Variants in PCNT observed in about 807,000 individuals in gnomAD.
PCNT encodes the protein kendrin.
In PCNT, 319 loss-of-function variants were observed where a neutral mutation model predicts 380.4. The observed-to-expected ratio is 0.84, with a 90% CI of 0.77 to 0.92. The LOEUF is 0.92. PCNT is among the 40% of genes least tolerant of loss of function. The probability of loss-of-function intolerance (pLI) is 0.00; values close to 1 mark genes in which losing one functional copy is unlikely to be tolerated. For synonymous variants in PCNT, 1,845 were observed against 1,735.2 expected (o/e 1.06, Z -1.57); for missense variants, 4,400 against 4,255.3 (o/e 1.03, Z -0.95).
intron 21 of PCNT, among the ~76,000 whole-genome samples, chr21:46,391,684 C>T (rs1352466243): frequency 1.3e-5 from 2 of 152,116 alleles, no homozygotes; most frequent in African/African-American, 2.4e-5. Context: ...GAGCCGAGTG[C>T]GGCAAACAAG....
intron 6 of PCNT, among the ~76,000 whole-genome samples, 165 bp from the exon 7 acceptor site, chr21:46,348,847 A>G (rs1408804074): frequency 6.6e-6 from 1 of 151,584 alleles, no homozygotes; most frequent in Non-Finnish European, 1.5e-5. Context: ...CTGTAACCCT[A>G]ACTCCTGGGC....
At position 46,425,079 on chromosome 21, in the gene PCNT, G is replaced by GTAGA. The variant is rs2087437202; in HGVS notation, c.7180-751_7180-750insAGAT. ...TCTCTTCAGGTTTTTATGCAGACGT[G>GTAGA]TCCTGTGCTTGGGTGTGTGCTCATG... On this transcript the variant is annotated intron_variant, in intron 32 of 46. Coordinates refer to ENST00000359568, the MANE Select transcript of PCNT (RefSeq NM_006031.6). The surrounding 1 kb of genome is among the most constrained non-coding windows in gnomAD (Gnocchi z 4.2). Among the ~76,000 whole-genome samples the GTAGA allele has an allele frequency of 6.6e-6, 1 of 152,114 alleles. No individual in the cohort carries two copies. The highest frequency in any genetic ancestry group is 2.4e-5 in the African/African-American group (1 of 41,414).
intron 8 of PCNT, among the ~76,000 whole-genome samples, 200 bp from the exon 9 acceptor site, chr21:46,351,229 G>C (rs1353072850): frequency 6.6e-6 from 1 of 152,156 alleles, no homozygotes; most frequent in Non-Finnish European, 1.5e-5. Flanking sequence ...GGCCTTGTGG[G>C]GTCAGCGCTG....
chr21:46,432,573 A>G (rs1409752657), intron 38 of PCNT, among the ~76,000 whole-genome samples: 1 of 152,210 alleles, frequency 6.6e-6, no homozygotes, highest in Non-Finnish European at 1.5e-5. Context: ...TAGTATTGAC[A>G]TCTGGACAGT....
intron 33 of PCNT, among the ~76,000 whole-genome samples, chr21:46,427,065 C>T (rs1231651927): frequency 3.3e-5 from 5 of 152,196 alleles, no homozygotes; most frequent in African/African-American, 7.2e-5. Flanking sequence ...TGGGGACCAG[C>T]GGGTAGCCCC....
At chr21:46,326,890 G>A (rs2083411457) in intron 2 of PCNT, among the ~76,000 whole-genome samples, 1 of 151,538 alleles carries the variant, frequency 6.6e-6, no homozygotes, top group East Asian at 2.0e-4. Context: ...GCGCACACCT[G>A]TAATCCCAGC....
chr21:46,352,141 A>G (rs2084295887), intron 9 of PCNT, among the ~76,000 whole-genome samples: 2 of 152,242 alleles, frequency 1.3e-5, no homozygotes, highest in Non-Finnish European at 2.9e-5. Context: ...TCCACAGGAC[A>G]GGAGGGTGAG....
chr21:46,363,597 G>A lies in PCNT; in HGVS notation c.2272G>A (p.Glu758Lys), dbSNP rs772683917. Reference sequence around the variant, plus strand: ...AACGGACTGGAAAGTTATGAAGGAGGAGCTACAGCGGGAAGCTGAGGAGAA... The same window carrying A: ...AACGGACTGGAAAGTTATGAAGGAGAAGCTACAGCGGGAAGCTGAGGAGAA... ...KETDWKVMKE[E>K]LQREAEEKLT... The change falls in exon 14 of 47, where the codon GAG (glutamate) becomes AAG (lysine). Residue 758 changes from glutamate to lysine, a missense_variant. By Grantham distance (56) the Glu-to-Lys change is moderately conservative. Transcript: ENST00000359568. 5.0e-6 allele frequency: 8 copies of A among 1,614,058 alleles called. No homozygotes were observed. Among genetic ancestry groups the A allele is most frequent in the Middle Eastern group, 1.6e-4 (1 of 6,084 alleles).
chr21:46,442,807 A>G (rs2053645978), intron 44 of PCNT: 1 of 589,606 alleles, frequency 1.7e-6, no homozygotes, highest in African/African-American at 1.9e-5. Flanking sequence ...GATGGGAAAC[A>G]CTGAGATGCT....
chr21:46,416,330 G>A lies in PCNT; in HGVS notation c.6412G>A (p.Val2138Ile), dbSNP rs770179351. 5 of 1,613,824 alleles carry A rather than the reference G, an allele frequency of 3.1e-6. No individual in the cohort carries two copies. Among genetic ancestry groups the A allele is most frequent in the Non-Finnish European group, 4.2e-6 (5 of 1,179,812 alleles). The change falls in exon 30 of 47, where the codon GTA (valine) becomes ATA (isoleucine). Residue 2138 changes from valine (V) to isoleucine (I), a missense_variant. Coordinates refer to ENST00000359568, the MANE Select transcript of PCNT (RefSeq NM_006031.6). ...TCDANTATGGVTDVIKNQAID... is the reference protein window; with the variant it reads ...TCDANTATGGITDVIKNQAID... ...TGATGCCAATACAGCCACGGGGGGT[G>A]TAACTGATGTTATCAAAAATCAGGC... is the stretch of plus-strand genomic sequence containing the variant.
At position 46,383,056 on chromosome 21, in the gene PCNT, G is replaced by A. The variant is rs183927424; in HGVS notation, c.3312+1216G>A. On this transcript the variant is annotated intron_variant, in intron 16 of 46. Coordinates refer to ENST00000359568, the MANE Select transcript of PCNT (RefSeq NM_006031.6). ...TTCACAGTGCTGCGCATTCAGCAGCGGAAGCGCATTCACAGTGTTGTATAT... is the reference window on the plus strand; with the variant it reads ...TTCACAGTGCTGCGCATTCAGCAGCAGAAGCGCATTCACAGTGTTGTATAT... 2.1e-4 allele frequency among the ~76,000 whole-genome samples: 31 copies of A among 146,408 alleles called. 2 individuals are homozygous for A. The highest frequency in any genetic ancestry group is 3.5e-4 in the Non-Finnish European group (23 of 66,598).
At chr21:46,407,932 T>G (rs2086667774) in intron 27 of PCNT, among the ~76,000 whole-genome samples, 1 of 152,226 alleles carries the variant, frequency 6.6e-6, no homozygotes, top group African/African-American at 2.4e-5. Flanking sequence ...CTCTTCTTTT[T>G]CTAGCTTTTT....
At chr21:46,424,194 A>T (rs946568571) in intron 32 of PCNT, among the ~76,000 whole-genome samples, 5 of 152,180 alleles carry the variant, frequency 3.3e-5, no homozygotes, top group Admixed American at 6.5e-5. Context: ...GAGGAGGCTG[A>T]GAGGTCCTGA....
At chr21:46,339,135 C>A (rs755245624) in intron 3 of PCNT, among the ~76,000 whole-genome samples, 1 of 152,274 alleles carries the variant, frequency 6.6e-6, no homozygotes, top group African/African-American at 2.4e-5. Context: ...AGGCTGATCT[C>A]GAACTCATGA....
rs752677745 is a variant in PCNT, at chr21:46,412,947, C to T, written c.6105C>T (p.Leu2035=). ...AGAGGCAGCTGCAGTCGGAGCTGCT[C>T]TTGGTGAAAAATGAAATGCGCCTGA... ...VCQRQLQSEL[L]LVKNEMRLSL... is the part of the protein sequence containing the mutation. Residue 2035 remains leucine (L), a synonymous_variant, in exon 29 of 47, where the codon CTC becomes CTT. Coordinates refer to ENST00000359568, the MANE Select transcript of PCNT (RefSeq NM_006031.6). 6.2e-7 allele frequency: 1 copy of T among 1,611,344 alleles called. No individual in the cohort carries two copies. The highest frequency in any genetic ancestry group is 2.2e-5 in the East Asian group (1 of 44,830).
chr21:46,363,096 C>T (rs764945907), intron 13 of PCNT, among the ~76,000 whole-genome samples: 11 of 152,202 alleles, frequency 7.2e-5, no homozygotes, highest in Non-Finnish European at 1.6e-4. Context: ...GTGGGGCTGG[C>T]GTTCCCCTAA....
At chr21:46,412,213 C>CT in intron 28 of PCNT, 146 bp downstream of exon 28, 5 of 925,658 alleles carry the variant, frequency 5.4e-6, no homozygotes, top group Non-Finnish European at 8.1e-6. Flanking sequence ...GGGCCTGAAG[C>CT]TCGGGCCAGC....
At chr21:46,331,650 CA>C (rs2083565365) in intron 2 of PCNT, among the ~76,000 whole-genome samples, 1 of 151,962 alleles carries the variant, frequency 6.6e-6, no homozygotes, top group East Asian at 1.9e-4. Flanking sequence ...CGTGTAGTCC[CA>C]GTTACTCAGG....
chr21:46,414,330 T>G (rs1448319285), intron 29 of PCNT, among the ~76,000 whole-genome samples: 2 of 151,670 alleles, frequency 1.3e-5, no homozygotes, highest in African/African-American at 4.9e-5. Context: ...GCACCTCGCC[T>G]CCTCCAGTCC....
Sources: gnomAD v4.1 joint callset for allele counts (sites outside exome capture counted in the v4.1 genomes callset) on GRCh38, gnomAD v4.1.1 for gene constraint, Gnocchi (gnomAD v3.1) non-coding constraint, MANE v1.5 for transcripts, NCBI Gene and HGNC (gene_info 2026-07-23, HGNC 2026-07-21) for gene names.